The following RAB38 variants were observed in gnomAD, a reference collection of about 807,000 sequenced individuals.
RAB38 encodes ras-related protein Rab-38.
A neutral mutation model predicts 18.4 loss-of-function variants in RAB38; 15 were observed. The ratio of observed to expected loss-of-function variants is 0.82; its 90% CI spans 0.55 to 1.26. The LOEUF (loss-of-function observed/expected upper bound fraction) is 1.26. RAB38 is among the 50% of genes most tolerant of loss of function. The probability of loss-of-function intolerance (pLI) is 0.00; values close to 1 mark genes in which losing one functional copy is unlikely to be tolerated. For missense variants in RAB38, 294 were observed against 267.4 expected (o/e 1.10, Z -0.69); for synonymous variants, 101 against 104.4 (o/e 0.97, Z 0.20).
At position 88,175,302 on chromosome 11, in the gene RAB38, C is replaced by T. The variant is rs1386955216; in HGVS notation, c.83G>A (p.Arg28His). ...LGVGKTSIIK[R>H]YVHQNFSSHY... ...CGAAGAGAAGTTCTGGTGCACGTAG[C>T]GCTTGATGATACTGGTCTTCCCCAC... Residue 28 changes from arginine (R) to histidine (H), a missense_variant, in exon 1 of 3, where the codon CGC becomes CAC. Arg to His is a conservative substitution (Grantham distance 29). Transcript: ENST00000243662. The T allele has an allele frequency of 1.2e-6, 2 of 1,614,098 alleles. No individual in the cohort carries two copies. The highest frequency in any genetic ancestry group is 1.7e-6 in the Non-Finnish European group (2 of 1,180,034).
chr11:88,026,144 T>A, the RAB38 span, among the ~76,000 whole-genome samples: 2 of 152,206 alleles, frequency 1.3e-5, no homozygotes, highest in East Asian at 3.9e-4. Flanking sequence ...TTTGTATTTT[T>A]AGTAGAGACA....
At chr11:87,941,955 CCT>C in the RAB38 span, among the ~76,000 whole-genome samples, 1 of 152,142 alleles carries the variant, frequency 6.6e-6, no homozygotes, top group African/African-American at 2.4e-5. Context: ...TACCCCTGCC[CCT>C]CTCTCTTGCT....
the RAB38 span, among the ~76,000 whole-genome samples, chr11:87,824,053 A>T: frequency 6.6e-6 from 1 of 152,180 alleles, no homozygotes; most frequent in African/African-American, 2.4e-5. Context: ...AGGATTAGTT[A>T]AAAGCATGTA....
At chr11:87,854,762 G>A in the RAB38 span, among the ~76,000 whole-genome samples, 7 of 152,026 alleles carry the variant, frequency 4.6e-5, no homozygotes, top group African/African-American at 9.7e-5. Flanking sequence ...ATTTTATTCC[G>A]AAGACATTTC....
chr11:87,895,616 G>C, the RAB38 span, among the ~76,000 whole-genome samples: 2 of 151,638 alleles, frequency 1.3e-5, no homozygotes, highest in Non-Finnish European at 3.0e-5. Flanking sequence ...ACAATGGAGA[G>C]TCTCTTTGGC....
the RAB38 span, among the ~76,000 whole-genome samples, chr11:87,949,867 T>C: frequency 1.3e-5 from 2 of 152,318 alleles, no homozygotes; most frequent in East Asian, 3.9e-4. Flanking sequence ...GTATATTCTG[T>C]TGATTTGGGG....
the RAB38 span, among the ~76,000 whole-genome samples, chr11:87,818,033 T>C: frequency 6.6e-6 from 1 of 152,202 alleles, no homozygotes; most frequent in Non-Finnish European, 1.5e-5. Context: ...CTAGGAAAGA[T>C]ACAAAATCTT....
At chr11:88,028,485 A>C in the RAB38 span, among the ~76,000 whole-genome samples, 2 of 152,158 alleles carry the variant, frequency 1.3e-5, no homozygotes, top group Non-Finnish European at 2.9e-5. Context: ...CTTTGAAAAA[A>C]ATTTAGAAGA....
the RAB38 span, among the ~76,000 whole-genome samples, chr11:88,046,297 A>G: frequency 1.3e-5 from 2 of 152,218 alleles, no homozygotes; most frequent in Non-Finnish European, 2.9e-5. Context: ...CTAAAACCAG[A>G]CAAGCCTTAC....
At chr11:87,926,023 A>G in the RAB38 span, among the ~76,000 whole-genome samples, 5 of 151,804 alleles carry the variant, frequency 3.3e-5, no homozygotes, top group African/African-American at 7.3e-5. Flanking sequence ...ACCTCTACCA[A>G]TTCAAATCCT....
the RAB38 span, among the ~76,000 whole-genome samples, chr11:87,949,256 T>G: frequency 5.6e-4 from 86 of 152,352 alleles, no homozygotes; most frequent in South Asian, 7.2e-3. Context: ...CATATTTTAT[T>G]GCATCTATTT....
the RAB38 span, among the ~76,000 whole-genome samples, chr11:87,950,216 C>G: frequency 8.6e-5 from 13 of 152,000 alleles, no homozygotes; most frequent in Non-Finnish European, 1.8e-4. Context: ...CAACCCCTGC[C>G]TTTTTTTATT....
the RAB38 span, among the ~76,000 whole-genome samples, chr11:87,862,463 A>G: frequency 6.6e-6 from 1 of 151,958 alleles, no homozygotes; most frequent in Non-Finnish European, 1.5e-5. Context: ...AATTATGAGA[A>G]CACATGGACA....
chr11:87,909,153 T>G, the RAB38 span, among the ~76,000 whole-genome samples: 5 of 152,022 alleles, frequency 3.3e-5, no homozygotes, highest in Admixed American at 3.3e-4. Flanking sequence ...ATTTTCTTCT[T>G]TACCTCTGGG....
chr11:87,816,290 C>A, the RAB38 span: 4 of 152,100 alleles, frequency 2.6e-5, no homozygotes. Flanking sequence ...TTCTTCAAAA[C>A]CTTCTATTTG....
the RAB38 span, among the ~76,000 whole-genome samples, chr11:88,029,614 A>C: frequency 2.0e-5 from 3 of 152,182 alleles, no homozygotes; most frequent in Admixed American, 6.5e-5. Context: ...AAACCAACAA[A>C]GATCAAAAGA....
chr11:88,031,678 T>G, the RAB38 span, among the ~76,000 whole-genome samples: 1 of 150,998 alleles, frequency 6.6e-6, no homozygotes, highest in Non-Finnish European at 1.5e-5. Context: ...ACAAGGGATG[T>G]GAAGGACCTC....
the RAB38 span, among the ~76,000 whole-genome samples, chr11:87,976,083 A>C: frequency 6.6e-6 from 1 of 150,464 alleles, no homozygotes; most frequent in Non-Finnish European, 1.5e-5. Flanking sequence ...TCCCCCTCAA[A>C]AAAGTCTGGT....
the RAB38 span, among the ~76,000 whole-genome samples, chr11:87,965,921 G>A: frequency 6.6e-6 from 1 of 152,252 alleles, no homozygotes; most frequent in East Asian, 1.9e-4. Flanking sequence ...AACTAAACAT[G>A]CTCTGCCTTA....
Sources: gnomAD v4.1 joint callset for allele counts (sites outside exome capture counted in the v4.1 genomes callset) on GRCh38, gnomAD v4.1.1 for gene constraint, MANE v1.5 for transcripts, NCBI Gene and HGNC (gene_info 2026-07-23, HGNC 2026-07-21) for gene names.